Variants in CNOT4 observed in about 807,000 individuals in gnomAD.
The protein encoded by CNOT4 is CCR4-NOT transcription complex subunit 4.
Under a neutral mutation model 73.8 loss-of-function variants are expected in CNOT4, and 8 were observed. The observed-to-expected ratio is 0.11, with a 90% CI of 0.06 to 0.20. CNOT4 has a LOEUF of 0.20. Among genes scored for constraint, CNOT4 ranks in the 10% least tolerant of loss-of-function variants. The probability of loss-of-function intolerance (pLI) is 1.00; values close to 1 mark genes in which losing one functional copy is unlikely to be tolerated. For synonymous variants in CNOT4, 293 were observed against 321.1 expected (o/e 0.91, Z 0.94); for missense variants, 564 against 883.4 (o/e 0.64, Z 4.58).
chr7:135,493,001 T>C lies in CNOT4; in HGVS notation c.-93+16888A>G, dbSNP rs139002633. Among the ~76,000 whole-genome samples, 48 of 152,286 alleles carry C rather than the reference T, an allele frequency of 3.2e-4. No homozygotes were observed. The East Asian group carries it at 8.5e-3, about 27-fold the overall frequency. On this transcript the variant is annotated intron_variant, in intron 1 of 11. Coordinates refer to ENST00000541284, the MANE Select transcript of CNOT4 (RefSeq NM_001190850.2). The stretch of plus-strand genomic sequence containing the variant: ...AGAGAAGGTGTAACCCAGGTGGCAG[T>C]AGATGCCAGCAAACATGAGGATTTA...
At chr7:135,455,063 G>T (rs952860004) in intron 1 of CNOT4, among the ~76,000 whole-genome samples, 2 of 151,910 alleles carry the variant, frequency 1.3e-5, no homozygotes, top group Non-Finnish European at 2.9e-5. Flanking sequence ...AAACCAGCCT[G>T]GACTACAAAG....
intron 3 of CNOT4, among the ~76,000 whole-genome samples, chr7:135,418,187 T>C (rs1283141127): frequency 3.9e-5 from 6 of 152,192 alleles, no homozygotes; most frequent in Non-Finnish European, 8.8e-5. Context: ...TGATAAGAAA[T>C]AGGCTGCCCA....
chr7:135,495,822 C>T (rs1188794714), intron 1 of CNOT4, among the ~76,000 whole-genome samples: 1 of 150,660 alleles, frequency 6.6e-6, no homozygotes, highest in Admixed American at 6.6e-5. Context: ...AATCCCAGTG[C>T]TTTTGGGAGG....
At chr7:135,383,041 T>C (rs1188762942) in intron 10 of CNOT4, among the ~76,000 whole-genome samples, 1 of 152,212 alleles carries the variant, frequency 6.6e-6, no homozygotes, top group East Asian at 1.9e-4. Context: ...TATTTATTCA[T>C]AGTACATTCT....
intron 1 of CNOT4, among the ~76,000 whole-genome samples, chr7:135,498,141 A>G (rs939717866): frequency 5.3e-5 from 8 of 151,848 alleles, no homozygotes. Flanking sequence ...GCCAACATTC[A>G]TATGTAGGAA....
At chr7:135,416,238 C>T (rs1797864463) in intron 3 of CNOT4, among the ~76,000 whole-genome samples, 1 of 152,138 alleles carries the variant, frequency 6.6e-6, no homozygotes, top group South Asian at 2.1e-4. Context: ...TTCTTACAGA[C>T]TTATAATTTA....
intron 1 of CNOT4, among the ~76,000 whole-genome samples, chr7:135,440,369 T>C (rs1799404122): frequency 6.6e-6 from 1 of 151,744 alleles, no homozygotes; most frequent in African/African-American, 2.4e-5. Context: ...TCAAAGAAGT[T>C]AGTTTTCACC....
intron 1 of CNOT4, among the ~76,000 whole-genome samples, chr7:135,495,379 C>A (rs1425733285): frequency 6.6e-6 from 1 of 151,902 alleles, no homozygotes; most frequent in African/African-American, 2.4e-5. Context: ...GTGGCACATA[C>A]CTGTAGTCCC....
At chr7:135,400,703 T>C (rs1796961644) in intron 7 of CNOT4, among the ~76,000 whole-genome samples, 2 of 152,164 alleles carry the variant, frequency 1.3e-5, no homozygotes, top group Non-Finnish European at 2.9e-5. Flanking sequence ...TGATTCATAA[T>C]ACTTTATGCT....
chr7:135,404,648 A>G (rs1270783575), intron 7 of CNOT4, among the ~76,000 whole-genome samples: 1 of 152,168 alleles, frequency 6.6e-6, no homozygotes, highest in Non-Finnish European at 1.5e-5. Flanking sequence ...ATTCTGCTGA[A>G]CTAATAAGGT....
chr7:135,387,290 A>G (rs1796168068), intron 10 of CNOT4: 2 of 985,314 alleles, frequency 2.0e-6, no homozygotes, highest in Non-Finnish European at 2.4e-6. Flanking sequence ...AAATGGCTAG[A>G]CAATTCGCTG....
intron 1 of CNOT4, among the ~76,000 whole-genome samples, chr7:135,484,525 T>G (rs541274588): frequency 6.6e-6 from 1 of 151,872 alleles, no homozygotes; most frequent in Non-Finnish European, 1.5e-5. Flanking sequence ...GAGAGCTGAG[T>G]CGGGCAGATC....
intron 3 of CNOT4, among the ~76,000 whole-genome samples, chr7:135,420,577 C>CAAAAAA (rs71174521): frequency 1.9e-5 from 1 of 53,370 alleles, no homozygotes; most frequent in Non-Finnish European, 3.5e-5. Context: ...ACCATGTCTC[C>CAAAAAA]AAAAAAAAAA....
chr7:135,459,723 C>A (rs1266799185), intron 1 of CNOT4, among the ~76,000 whole-genome samples: 1 of 152,194 alleles, frequency 6.6e-6, no homozygotes, highest in East Asian at 1.9e-4. Context: ...TCCATGAGCA[C>A]TGACTGCAAC....
At chr7:135,493,622 T>C (rs936333546) in intron 1 of CNOT4, among the ~76,000 whole-genome samples, 3 of 152,058 alleles carry the variant, frequency 2.0e-5, no homozygotes, top group Non-Finnish European at 4.4e-5. Context: ...GAGTATCACC[T>C]AGGAGACTGA....
intron 10 of CNOT4, among the ~76,000 whole-genome samples, chr7:135,385,859 T>C (rs1168380412): frequency 6.6e-6 from 1 of 152,180 alleles, no homozygotes; most frequent in Non-Finnish European, 1.5e-5. Context: ...GGGTCTGTAT[T>C]TTATTCAACC....
chr7:135,441,487 T>C (rs1482012306), intron 1 of CNOT4, among the ~76,000 whole-genome samples: 2 of 151,582 alleles, frequency 1.3e-5, no homozygotes, highest in Non-Finnish European at 2.9e-5. Context: ...AGCTGACTTC[T>C]AATAGGTCCC....
At chr7:135,490,142 CA>C (rs1237284879) in intron 1 of CNOT4, among the ~76,000 whole-genome samples, 3 of 152,204 alleles carry the variant, frequency 2.0e-5, no homozygotes, top group Non-Finnish European at 2.9e-5. Flanking sequence ...CACAATTTCA[CA>C]TACGATTTCT....
intron 3 of CNOT4, among the ~76,000 whole-genome samples, chr7:135,418,694 T>C (rs1022585474): frequency 6.6e-6 from 1 of 152,142 alleles, no homozygotes; most frequent in Non-Finnish European, 1.5e-5. Context: ...GTCTTTAAAG[T>C]CATAGCTCAT....
Sources: gnomAD v4.1 joint callset for allele counts (sites outside exome capture counted in the v4.1 genomes callset) on GRCh38, gnomAD v4.1.1 for gene constraint, MANE v1.5 for transcripts, NCBI Gene and HGNC (gene_info 2026-07-23, HGNC 2026-07-21) for gene names.